Variants in TEC observed in about 807,000 individuals in gnomAD.
TEC encodes tyrosine-protein kinase Tec.
In TEC, 72 loss-of-function variants were observed where a neutral mutation model predicts 93.0. That is an observed-to-expected ratio of 0.77 (90% CI 0.64 to 0.94). TEC has a LOEUF of 0.94. Among genes scored for constraint, TEC ranks in the 40% least tolerant of loss-of-function variants. The pLI, the probability that TEC is intolerant of heterozygous loss-of-function variation, is 0.00. For synonymous variants in TEC, 249 were observed against 247.7 expected (o/e 1.01, Z -0.05); for missense variants, 630 against 757.9 (o/e 0.83, Z 1.98).
intron 3 of TEC, among the ~76,000 whole-genome samples, chr4:48,173,394 C>A (rs778764657): frequency 6.6e-6 from 1 of 152,090 alleles, no homozygotes; most frequent in Non-Finnish European, 1.5e-5. Context: ...TGTATTTCTA[C>A]GAGAAGTTTC....
intron 15 of TEC, among the ~76,000 whole-genome samples, 187 bp downstream of exon 15, chr4:48,141,168 T>C (rs1398442406): frequency 6.6e-6 from 1 of 152,074 alleles, no homozygotes; most frequent in African/African-American, 2.4e-5. Context: ...GGAAATACAG[T>C]GTATTTAACA....
At chr4:48,193,723 A>G (rs1722177635) in intron 2 of TEC, among the ~76,000 whole-genome samples, 1 of 150,996 alleles carries the variant, frequency 6.6e-6, no homozygotes, top group African/African-American at 2.4e-5. Context: ...TTGTTTCTCT[A>G]GTAGGACTGC....
In TEC at chr4:48,169,511, G is replaced by A. The variant is rs1473341848; in HGVS notation, c.454+737C>T. 2.0e-5 allele frequency among the ~76,000 whole-genome samples: 3 copies of A among 152,060 alleles called. No individual in the cohort carries two copies. In the East Asian group the frequency reaches 5.8e-4, roughly 29 times the overall value. On this transcript the variant is annotated intron_variant, in intron 5 of 17. Transcript: ENST00000381501. Reference sequence around the variant, plus strand: ...AACTGAGGGCTAGATGGACTGAGAAGGTCATCTGATCTGGCCTCGTTCATA... The same window carrying A: ...AACTGAGGGCTAGATGGACTGAGAAAGTCATCTGATCTGGCCTCGTTCATA...
chr4:48,243,400 T>C (rs1277253703), intron 1 of TEC, among the ~76,000 whole-genome samples: 1 of 152,228 alleles, frequency 6.6e-6, no homozygotes, highest in East Asian at 1.9e-4. Flanking sequence ...ATGAGGATGA[T>C]GATGATACCA....
intron 1 of TEC, among the ~76,000 whole-genome samples, chr4:48,257,581 T>C (rs2055800): frequency 0.93 from 141,905 of 152,254 alleles, 66,979 homozygotes; most frequent in Non-Finnish European, 1. Flanking sequence ...ATCTGTAAAA[T>C]GCTGAAAGTA....
chr4:48,179,376 A>ATTTTTTTTT (rs1159156668), intron 2 of TEC, among the ~76,000 whole-genome samples: 1 of 21,164 alleles, frequency 4.7e-5, no homozygotes, highest in Non-Finnish European at 8.4e-5. Flanking sequence ...ATATATATAT[A>ATTTTTTTTT]TTTTTTTTTT....
intron 2 of TEC, among the ~76,000 whole-genome samples, chr4:48,192,442 A>G (rs1577739564): frequency 6.6e-6 from 1 of 152,182 alleles, no homozygotes; most frequent in Non-Finnish European, 1.5e-5. Context: ...TGACGGTTTC[A>G]TGGATGTATA....
intron 2 of TEC, among the ~76,000 whole-genome samples, chr4:48,188,591 A>G (rs573155478): frequency 3.3e-5 from 5 of 152,310 alleles, no homozygotes; most frequent in African/African-American, 1.2e-4. Context: ...GAGTATTTAG[A>G]ATACTCATAC....
At chr4:48,157,798 G>A (rs1057164966) in intron 8 of TEC, among the ~76,000 whole-genome samples, 1 of 152,162 alleles carries the variant, frequency 6.6e-6, no homozygotes. Flanking sequence ...TTACAGGCAT[G>A]AGCCACCATG....
At chr4:48,233,016 C>A (rs1056143063) in intron 1 of TEC, among the ~76,000 whole-genome samples, 19 of 152,194 alleles carry the variant, frequency 1.2e-4, no homozygotes, top group African/African-American at 4.3e-4. Context: ...CCCTCCTCAA[C>A]CCTGGAAGAA....
rs1039903900 is a variant in TEC, at chr4:48,168,620, C to T, written c.461G>A (p.Arg154Lys). The T allele has an allele frequency of 1.2e-6, 2 of 1,600,578 alleles. No homozygotes were observed. The highest frequency in any genetic ancestry group is 2.7e-5 in the African/African-American group (2 of 73,834). The change falls in exon 6 of 18, where the codon AGA becomes AAA. Residue 154 changes from arginine to lysine, a missense_variant. By Grantham distance (26) the Arg-to-Lys change is conservative. Transcript: ENST00000381501. The stretch of plus-strand genomic sequence containing the variant: ...TTCTGGTGCTGGAGGTAGTGCTTTT[C>T]TTATACCTGAAAATGCCAACAACAA... The part of the protein sequence containing the change: ...EKYNLFESSI[R>K]KALPPAPETK...
chr4:48,261,300 C>A (rs552774304), intron 1 of TEC, among the ~76,000 whole-genome samples: 63 of 152,318 alleles, frequency 4.1e-4, no homozygotes, highest in African/African-American at 1.4e-3. Context: ...TGTTTCCCTG[C>A]ATGGTTGAAG....
chr4:48,141,686 T>A, intron 14 of TEC: 2 of 71,846 alleles, frequency 2.8e-5, no homozygotes, highest in Non-Finnish European at 6.1e-5. Context: ...CTTTTCTTTC[T>A]TTTTTTTTTT....
At chr4:48,147,399 C>G (rs1719961894) in intron 11 of TEC, among the ~76,000 whole-genome samples, 1 of 152,164 alleles carries the variant, frequency 6.6e-6, no homozygotes, top group East Asian at 1.9e-4. Flanking sequence ...ATAATAAAAT[C>G]CATACAATGA....
intron 8 of TEC, among the ~76,000 whole-genome samples, chr4:48,161,427 G>A (rs976609482): frequency 5.9e-5 from 9 of 151,530 alleles, no homozygotes; most frequent in African/African-American, 1.5e-4. Context: ...TGATCTCTCC[G>A]ATCTTCTCCT....
At chr4:48,137,934 C>G (rs945238556) in intron 17 of TEC, among the ~76,000 whole-genome samples, 1 of 152,222 alleles carries the variant, frequency 6.6e-6, no homozygotes, top group East Asian at 1.9e-4. Flanking sequence ...GCTGTTCTCT[C>G]TCCCTTTAGC....
intron 2 of TEC, among the ~76,000 whole-genome samples, chr4:48,209,868 A>T (rs1722839197): frequency 6.6e-6 from 1 of 152,156 alleles, no homozygotes; most frequent in Admixed American, 6.6e-5. Flanking sequence ...AATTGTAAAC[A>T]TGCTTGTTTA....
chr4:48,172,422 T>A (rs1164552659), intron 3 of TEC, among the ~76,000 whole-genome samples: 3 of 149,420 alleles, frequency 2.0e-5, no homozygotes. Context: ...TTCATTTAAA[T>A]CAAAGGAATG....
At chr4:48,264,723 G>A (rs1455781826) in intron 1 of TEC, among the ~76,000 whole-genome samples, 1 of 151,160 alleles carries the variant, frequency 6.6e-6, no homozygotes, top group Non-Finnish European at 1.5e-5. Flanking sequence ...TACAACCTCA[G>A]CCTCTCAGGT....
Sources: allele counts gnomAD v4.1 joint callset (sites outside exome capture counted in the v4.1 genomes callset), GRCh38; gene constraint gnomAD v4.1.1; transcripts MANE v1.5; gene names NCBI Gene and HGNC (gene_info 2026-07-23, HGNC 2026-07-21).